The following NRXN1 variants were observed in gnomAD, a reference collection of about 807,000 sequenced individuals.
NRXN1 encodes neurexin-1.
Under a neutral mutation model 150.9 loss-of-function variants are expected in NRXN1, and 39 were observed. That is an observed-to-expected ratio of 0.26 (90% confidence interval 0.20 to 0.34). The LOEUF is 0.34. Among genes scored for constraint, NRXN1 ranks in the 10% least tolerant of loss-of-function variants. NRXN1 has a pLI of 1.00. For missense variants in NRXN1, 1,815 were observed against 1,949.9 expected (o/e 0.93, Z 1.30); for synonymous variants, 924 against 757.0 (o/e 1.22, Z -3.62).
At chr2:50,288,834 T>C (rs1483498074) in intron 17 of NRXN1, among the ~76,000 whole-genome samples, 2 of 152,154 alleles carry the variant, frequency 1.3e-5, no homozygotes, top group Non-Finnish European at 2.9e-5. Flanking sequence ...AGCCAAACCA[T>C]ATCTCCTTTT....
intron 14 of NRXN1, 127 bp from the exon 15 acceptor site, chr2:50,496,222 T>A: frequency 1.6e-6 from 1 of 625,928 alleles, no homozygotes; most frequent in Non-Finnish European, 2.7e-6. Flanking sequence ...TGACAATAAG[T>A]TACATAGAAA....
chr2:50,058,732 G>GT (rs1389061713), intron 19 of NRXN1, among the ~76,000 whole-genome samples: 1 of 152,092 alleles, frequency 6.6e-6, no homozygotes, highest in Non-Finnish European at 1.5e-5. Flanking sequence ...ATGGGGGTGG[G>GT]TTTTTCCCAT....
At chr2:50,811,670 A>G (rs997668030) in intron 5 of NRXN1, among the ~76,000 whole-genome samples, 10 of 152,198 alleles carry the variant, frequency 6.6e-5, no homozygotes, top group African/African-American at 2.4e-4. Context: ...AAGACATACA[A>G]AGATTTATTA....
chr2:50,778,575 T>C (rs1297511743), intron 5 of NRXN1, among the ~76,000 whole-genome samples: 1 of 152,130 alleles, frequency 6.6e-6, no homozygotes, highest in Admixed American at 6.6e-5. Context: ...GCAGGATCCT[T>C]AAAAGGTTTA....
chr2:50,636,826 T>C (rs892586215), intron 5 of NRXN1, among the ~76,000 whole-genome samples: 3 of 152,180 alleles, frequency 2.0e-5, no homozygotes, highest in Non-Finnish European at 4.4e-5. Flanking sequence ...GTGTTACAGA[T>C]TGTGTTTGAT....
At position 50,085,826 on chromosome 2, in the gene NRXN1, G is replaced by A. The variant is rs142696109; in HGVS notation, c.3718+5497C>T. On this transcript the variant is annotated intron_variant, in intron 19 of 22. Transcript: ENST00000401669. Reference sequence around the variant, plus strand: ...ACTGTGACATCGACTGATACAGTTAGGATCAATCATGTAAGTAATAACATT... The same window carrying A: ...ACTGTGACATCGACTGATACAGTTAAGATCAATCATGTAAGTAATAACATT... Among the ~76,000 whole-genome samples, 425 of 152,214 alleles carry A rather than the reference G, an allele frequency of 2.8e-3. 3 individuals carry two copies. The highest frequency in any genetic ancestry group is 9.7e-3 in the African/African-American group (402 of 41,540).
At chr2:50,373,294 T>TTTATTG (rs1553512409) in intron 17 of NRXN1, among the ~76,000 whole-genome samples, 2 of 140,412 alleles carry the variant, frequency 1.4e-5, no homozygotes, top group African/African-American at 2.7e-5. Flanking sequence ...TATTTTATTT[T>TTTATTG]TTATTATTAT....
At chr2:50,007,939 T>C (rs903307661) in intron 21 of NRXN1, among the ~76,000 whole-genome samples, 3 of 152,148 alleles carry the variant, frequency 2.0e-5, no homozygotes, top group African/African-American at 7.2e-5. Context: ...TAACTCCCAA[T>C]GCTGTCTACC....
chr2:50,285,707 G>C (rs1056670659), intron 17 of NRXN1, among the ~76,000 whole-genome samples: 1 of 152,086 alleles, frequency 6.6e-6, no homozygotes, highest in African/African-American at 2.4e-5. Context: ...TAAATAAAAA[G>C]ACAGCAGGTA....
intron 5 of NRXN1, among the ~76,000 whole-genome samples, chr2:50,714,957 T>A (rs946460209): frequency 5.3e-5 from 8 of 152,124 alleles, no homozygotes; most frequent in African/African-American, 1.9e-4. Flanking sequence ...AAGTGCTATT[T>A]AATTATAATG....
At chr2:50,550,651 G>T (rs926356394) in intron 9 of NRXN1, among the ~76,000 whole-genome samples, 1 of 151,006 alleles carries the variant, frequency 6.6e-6, no homozygotes, top group Non-Finnish European at 1.5e-5. Context: ...TCCCATCAAT[G>T]AACTCTTCTC....
chr2:50,528,272 G>C (rs2093009671), intron 12 of NRXN1, among the ~76,000 whole-genome samples: 1 of 151,612 alleles, frequency 6.6e-6, no homozygotes. Context: ...AAAAGATAAA[G>C]ACAAAAGAAA....
At chr2:50,476,641 A>AGT (rs1333745045) in intron 15 of NRXN1, among the ~76,000 whole-genome samples, 2 of 152,126 alleles carry the variant, frequency 1.3e-5, no homozygotes, top group Non-Finnish European at 2.9e-5. Context: ...AAGAAGGAGA[A>AGT]GTATAGTTTA....
chr2:50,600,763 AACTTTTTAGTTAG>A (rs1185029299), intron 8 of NRXN1, among the ~76,000 whole-genome samples: 4 of 152,232 alleles, frequency 2.6e-5, no homozygotes, highest in Admixed American at 2.6e-4. Context: ...CCAGTTGAAG[AACTTTTTAGTTAG>A]ATGATGACAG....
intron 18 of NRXN1, among the ~76,000 whole-genome samples, chr2:50,099,980 G>A (rs1343142210): frequency 1.3e-5 from 2 of 152,020 alleles, no homozygotes; most frequent in African/African-American, 4.8e-5. Context: ...TAAATGTAAG[G>A]CAAAGCAGTT....
At chr2:50,963,862 C>A (rs1693601350) in intron 2 of NRXN1, 1 of 317,756 alleles carries the variant, frequency 3.1e-6, no homozygotes. Flanking sequence ...ATTTAGCATA[C>A]ACAATGTTCT....
chr2:50,153,166 C>T (rs1209379498), intron 18 of NRXN1, among the ~76,000 whole-genome samples: 1 of 151,622 alleles, frequency 6.6e-6, no homozygotes, highest in Non-Finnish European at 1.5e-5. Context: ...TATTTTTCAG[C>T]TCTAGAACTT....
chr2:50,305,306 A>T (rs1402840648), intron 17 of NRXN1, among the ~76,000 whole-genome samples: 2 of 152,202 alleles, frequency 1.3e-5, no homozygotes, highest in East Asian at 3.8e-4. Flanking sequence ...CAAGAAGATA[A>T]AGTAGATGTG....
intron 18 of NRXN1, among the ~76,000 whole-genome samples, chr2:50,140,730 T>C (rs767737823): frequency 6.6e-5 from 10 of 152,010 alleles, no homozygotes; most frequent in Non-Finnish European, 1.3e-4. Flanking sequence ...TTTTCAAATG[T>C]TGGCAACCAG....
Sources: gnomAD v4.1 joint callset for allele counts (sites outside exome capture counted in the v4.1 genomes callset) on GRCh38, gnomAD v4.1.1 for gene constraint, MANE v1.5 for transcripts, NCBI Gene and HGNC (gene_info 2026-07-23, HGNC 2026-07-21) for gene names.